Variants in PLEKHN1 observed in about 807,000 individuals in gnomAD.
PLEKHN1 encodes the protein pleckstrin homology domain containing N1.
PLEKHN1 carries 68 observed loss-of-function variants against 72.8 expected under a neutral mutation model. That is an observed-to-expected ratio of 0.93 (90% CI 0.77 to 1.14). The LOEUF is 1.14. Ranked by LOEUF, PLEKHN1 falls within the 50% of genes most tolerant of loss-of-function variation. The pLI is 0.00. For synonymous variants in PLEKHN1, 454 were observed against 371.6 expected, an observed-to-expected ratio of 1.22 and a Z score of -2.55; for missense variants, 1,015 against 840.5, an observed-to-expected ratio of 1.21 and a Z score of -2.57.
At chr1:972,220 C>G in intron 9 of PLEKHN1, 68 bp from the exon 10 acceptor site, 1 of 1,601,836 alleles carries the variant, frequency 6.2e-7, no homozygotes, top group East Asian at 2.2e-5. Flanking sequence ...TGGGGGACGC[C>G]CGACTCTTTA....
chr1:973,065 G>A lies in PLEKHN1; in HGVS notation c.1152+55G>A. On this transcript the variant is annotated intron_variant, in intron 11 of 15. Transcript: ENST00000379410. Reference sequence around the variant, plus strand: ...TGGGGCAGAAGGCTGTCGGGTAGGTGTGTGTTGGGGACCCTGGTTCCTCAG... The same window carrying A: ...TGGGGCAGAAGGCTGTCGGGTAGGTATGTGTTGGGGACCCTGGTTCCTCAG... The A allele has an allele frequency of 5.2e-6, 8 of 1,551,976 alleles. No homozygotes were observed. In the South Asian group the frequency reaches 7.1e-5, roughly 14 times the overall value.
intron 2 of PLEKHN1, among the ~76,000 whole-genome samples, chr1:969,126 A>G (rs1643148591): frequency 6.6e-6 from 1 of 152,244 alleles, no homozygotes. Context: ...AGCATTTACC[A>G]TACAATACTG....
chr1:975,849 A>C lies in PLEKHN1; in HGVS notation c.*1274A>C. 3.1e-6 allele frequency: 1 copy of C among 322,388 alleles called. No individual in the cohort carries two copies. 20.0% of individuals were successfully genotyped at this position (322,388 alleles called of 1,614,324 possible). Reference sequence around the variant, plus strand: ...TCAGATAAACAACAACTTCTTAGTAAAATGACCTCCCCACTATTGCCTGTC... The same window carrying C: ...TCAGATAAACAACAACTTCTTAGTACAATGACCTCCCCACTATTGCCTGTC... On this transcript the variant is annotated 3_prime_UTR_variant, in exon 16 of 16. Coordinates refer to ENST00000379410, the MANE Select transcript of PLEKHN1 (RefSeq NM_032129.3).
In PLEKHN1 at chr1:973,255, C is replaced by G. The variant is rs3109215; in HGVS notation, c.1222C>G (p.Arg408Gly). 1.3e-6 allele frequency: 2 copies of G among 1,543,212 alleles called. No homozygotes were observed. The highest frequency in any genetic ancestry group is 1.8e-6 in the Non-Finnish European group (2 of 1,141,400). The part of the protein sequence containing the change: ...RTELRRSGSS[R>G]SPGSKARAEG... ...CGAGCTGAGACGCAGTGGCAGCAGC[C>G]GGTCACCCGGGAGCAAGGCCCGGGC... is the stretch of plus-strand genomic sequence containing the variant. The change falls in exon 12 of 16, where the codon CGG becomes GGG. Residue 408 changes from arginine to glycine, a missense_variant. By Grantham distance (125) the Arg-to-Gly change is moderately radical. Transcript: ENST00000379410.
At chr1:974,077 T>G (rs748029983) in intron 14 of PLEKHN1, 26 bp downstream of exon 14, 1 of 1,550,094 alleles carries the variant, frequency 6.5e-7, no homozygotes, top group East Asian at 2.4e-5. Flanking sequence ...CACGCCCGTG[T>G]GCCCCGGGCT....
rs1365403833 is a variant in PLEKHN1, at chr1:972,920, G to GT, written c.1063dup (p.Cys355LeufsTer15). ...GCGGACAGACCAGCTGGGACTCGGG[G>GT]TGCTTGGCGCCCCCCTCCACCCGCA... On this transcript the variant is annotated frameshift_variant, in exon 11 of 16. Transcript: ENST00000379410. LOFTEE classifies it high-confidence loss of function. The GT allele has an allele frequency of 4.5e-6, 7 of 1,561,646 alleles. No individual in the cohort carries two copies. Among genetic ancestry groups the GT allele is most frequent in the Non-Finnish European group, 6.1e-6 (7 of 1,152,902 alleles).
Position 973,653 on chromosome 1 carries a change from C to T in PLEKHN1, c.1434+13C>T. 4.3e-6 allele frequency: 7 copies of T among 1,610,842 alleles called. No homozygotes were observed. The highest frequency in any genetic ancestry group is 1.1e-5 in the South Asian group (1 of 90,998). On this transcript the variant is annotated intron_variant, in intron 13 of 15. Coordinates refer to ENST00000379410, the MANE Select transcript of PLEKHN1 (RefSeq NM_032129.3). ...GGGCCTGGAGGAGGTCAGGCCCCTG[C>T]TGGGTGACAGAAAGGGTGGGAGGTG...
At position 973,989 on chromosome 1, in the gene PLEKHN1, GC is replaced by G. The variant is rs1255318269; in HGVS notation, c.1592del (p.Ala531ValfsTer36). On this transcript the variant is annotated frameshift_variant, in exon 14 of 16. Transcript: ENST00000379410. LOFTEE classifies it high-confidence loss of function. ...SKKGALQSRA[A>X]QRHRGSAKDG... is the part of the protein sequence containing the mutation. Reference sequence around the variant, plus strand: ...GAAGGGAGCCCTGCAGTCCAGAGCCGCTCAGAGACACCGGGGCTCAGCCAAG... The same window carrying G: ...GAAGGGAGCCCTGCAGTCCAGAGCCGTCAGAGACACCGGGGCTCAGCCAAG... The G allele has an allele frequency of 6.2e-7, 1 of 1,606,584 alleles. No individual in the cohort carries two copies. Among genetic ancestry groups the G allele is most frequent in the Non-Finnish European group, 8.5e-7 (1 of 1,178,602 alleles).
In PLEKHN1 at chr1:971,023, C is replaced by G. The variant is rs778058744; in HGVS notation, c.612+17C>G. 1.0e-5 allele frequency: 9 copies of G among 880,386 alleles called. No individual in the cohort carries two copies. The highest frequency in any genetic ancestry group is 1.7e-5 in the Non-Finnish European group (9 of 521,298). 54.5% of individuals were successfully genotyped at this position (880,386 alleles called of 1,614,324 possible). On this transcript the variant is annotated intron_variant, in intron 6 of 15. Transcript: ENST00000379410. ...CCCCCACAGGTCAGTGCCGGGGACC[C>G]CACCCCCCTCCCCACCCTGATCCTC...
At position 972,845 on chromosome 1, in the gene PLEKHN1, C is replaced by G; in HGVS notation, c.1003-16C>G. ...GGGGTCCAGCCCTCACTCACCCCCA[C>G]TCACTGCCCATCCAGGTTATGGGCA... On this transcript the variant is annotated splice_polypyrimidine_tract_variant and intron_variant, in intron 10 of 15. Coordinates refer to ENST00000379410, the MANE Select transcript of PLEKHN1 (RefSeq NM_032129.3). 1 of 1,535,668 alleles carries G rather than the reference C, an allele frequency of 6.5e-7. No individual in the cohort carries two copies. Among genetic ancestry groups the G allele is most frequent in the Non-Finnish European group, 8.8e-7 (1 of 1,137,934 alleles).
Position 970,679 on chromosome 1 carries a change from C to T in PLEKHN1, c.412-7C>T, listed in dbSNP as rs766508690. 1.9e-6 allele frequency: 3 copies of T among 1,595,652 alleles called. No homozygotes were observed. Among genetic ancestry groups the T allele is most frequent in the East Asian group, 4.5e-5 (2 of 44,640 alleles). ...CCCTGAAGCTCCTCCTACCCTGTGC[C>T]TGGCAGGGGCTGTTACCGCTGACGG... On this transcript the variant is annotated splice_polypyrimidine_tract_variant and splice_region_variant and intron_variant, in intron 4 of 15. Coordinates refer to ENST00000379410, the MANE Select transcript of PLEKHN1 (RefSeq NM_032129.3). The surrounding 1 kb of genome is among the most constrained non-coding windows in gnomAD (Gnocchi z 4.2).
intron 10 of PLEKHN1, 98 bp from the exon 11 acceptor site, chr1:972,763 C>A: frequency 7.2e-7 from 1 of 1,396,288 alleles, no homozygotes. Flanking sequence ...AAGACTTCGT[C>A]CCAAAAAGAT....
In PLEKHN1 at chr1:972,996, T is replaced by C. The variant is rs1431820895; in HGVS notation, c.1138T>C (p.Ser380Pro). The C allele has an allele frequency of 6.3e-7, 1 of 1,598,410 alleles. No individual in the cohort carries two copies. Among genetic ancestry groups the C allele is most frequent in the East Asian group, 2.3e-5 (1 of 44,414 alleles). The change falls in exon 11 of 16, where the codon TCC becomes CCC. Residue 380 changes from serine (S) to proline (P), a missense_variant. Physicochemically the swap from Ser to Pro is moderately conservative, Grantham distance 74. Transcript: ENST00000379410. ...SSVPSTVGCSSQHTPDQANSD... is the reference protein window; with the variant it reads ...SSVPSTVGCSPQHTPDQANSD... ...AGTGCCATCCACCGTGGGCTGCTCC[T>C]CCCAGCACACACCGGTGAGCGCTTA... is the stretch of plus-strand genomic sequence containing the variant.
chr1:973,525 GCC>G lies in PLEKHN1; in HGVS notation c.1321_1322del (p.Pro441ArgfsTer4). 1 of 1,613,200 alleles carries G rather than the reference GCC, an allele frequency of 6.2e-7. No homozygotes were observed. Among genetic ancestry groups the G allele is most frequent in the Non-Finnish European group, 8.5e-7 (1 of 1,179,982 alleles). Reference sequence around the variant, plus strand: ...CTGCACAGGCTGAGCCTGGAGAGCAGCCCAGATGCCCCTGACCACACTTCGGA... The same window carrying G: ...CTGCACAGGCTGAGCCTGGAGAGCAGCAGATGCCCCTGACCACACTTCGGA... On this transcript the variant is annotated frameshift_variant, in exon 13 of 16. Coordinates refer to ENST00000379410, the MANE Select transcript of PLEKHN1 (RefSeq NM_032129.3). LOFTEE classifies it high-confidence loss of function.
intron 8 of PLEKHN1, 167 bp downstream of exon 8, chr1:971,571 G>A: frequency 1.5e-6 from 1 of 665,740 alleles, no homozygotes; most frequent in Non-Finnish European, 2.6e-6. Context: ...CTGTGACATG[G>A]AGGAGCCCCT....
At position 974,048 on chromosome 1, in the gene PLEKHN1, G is replaced by A. The variant is rs193098401; in HGVS notation, c.1650G>A (p.Gln550=). The A allele has an allele frequency of 8.2e-6, 13 of 1,581,266 alleles. No homozygotes were observed. Among genetic ancestry groups the A allele is most frequent in the Non-Finnish European group, 1.0e-5 (12 of 1,167,022 alleles). The part of the protein sequence containing the change: ...DGGPQPPDAP[Q]LVSSAREGSP... ...GGCCGCAGCCCCCAGACGCCCCTCA[G>A]CTTGTGAGTAGCAGCCCCCACGCCC... The change falls in exon 14 of 16, where the codon CAG becomes CAA. Residue 550 remains glutamine, a synonymous_variant. Transcript: ENST00000379410.
chr1:971,063 C>T lies in PLEKHN1; in HGVS notation c.613-50C>T, dbSNP rs111375128. ...CCCTGATCCTCGCAGCCGGCTCTGA[C>T]CTCCTCCTCACAGGGGTCCTGCGGA... On this transcript the variant is annotated intron_variant, in intron 6 of 15. Transcript: ENST00000379410. 3 of 1,579,224 alleles carry T rather than the reference C, an allele frequency of 1.9e-6. 1 individual carries two copies. Among genetic ancestry groups the T allele is most frequent in the African/African-American group, 1.3e-5 (1 of 74,312 alleles).
At chr1:971,303 A>AGCCC in intron 7 of PLEKHN1, 21 bp from the exon 8 acceptor site, 22 of 1,495,216 alleles carry the variant, frequency 1.5e-5, no homozygotes, top group Non-Finnish European at 1.8e-5. Context: ...TCATCGCCTG[A>AGCCC]CCCCACCCCC....
At position 971,310 on chromosome 1, in the gene PLEKHN1, C is replaced by T; in HGVS notation, c.709-14C>T. On this transcript the variant is annotated splice_polypyrimidine_tract_variant and intron_variant, in intron 7 of 15. Coordinates refer to ENST00000379410, the MANE Select transcript of PLEKHN1 (RefSeq NM_032129.3). ...CAGTTCCCTCATCGCCTGACCCCAC[C>T]CCCACCCACCCAGGAGCAGTGGGAC... is the stretch of plus-strand genomic sequence containing the variant. 1.3e-6 allele frequency: 2 copies of T among 1,561,852 alleles called. No individual in the cohort carries two copies. The highest frequency in any genetic ancestry group is 1.7e-6 in the Non-Finnish European group (2 of 1,152,764).
Sources: gnomAD v4.1 joint callset for allele counts (sites outside exome capture counted in the v4.1 genomes callset) on GRCh38, gnomAD v4.1.1 for gene constraint, Gnocchi (gnomAD v3.1) non-coding constraint, MANE v1.5 for transcripts, NCBI Gene and HGNC (gene_info 2026-07-23, HGNC 2026-07-21) for gene names.